B3GALT1: variants seen among roughly 807,000 people sequenced by gnomAD.
B3GALT1 encodes the protein beta-1,3-galactosyltransferase 1, also known as UDP-Gal:betaGlcNAc beta 1,3-galactosyltransferase, polypeptide 1.
Under a neutral mutation model 23.2 loss-of-function variants are expected in B3GALT1, and 10 were observed. That is an observed-to-expected ratio of 0.43 (90% CI 0.27 to 0.73). The LOEUF (loss-of-function observed/expected upper bound fraction) is 0.73, where lower values mean the gene tolerates loss of function less well. Ranked by LOEUF, B3GALT1 falls within the 30% of genes least tolerant of loss-of-function variation. The pLI, the probability that B3GALT1 is intolerant of heterozygous loss-of-function variation, is 0.21. For missense variants in B3GALT1, 299 were observed against 405.4 expected (o/e 0.74, Z 2.25); for synonymous variants, 156 against 141.5 (o/e 1.10, Z -0.73).
At chr2:167,425,451 G>A (rs934968265) in intron 1 of B3GALT1, among the ~76,000 whole-genome samples, 9 of 152,148 alleles carry the variant, frequency 5.9e-5, no homozygotes, top group Non-Finnish European at 1.0e-4. Context: ...TTTTTAAAAA[G>A]CATTTATCTC....
chr2:167,559,882 C>T (rs545081015), intron 2 of B3GALT1, among the ~76,000 whole-genome samples: 121 of 152,312 alleles, frequency 7.9e-4, no homozygotes, highest in African/African-American at 2.8e-3. Flanking sequence ...AAACACTCTG[C>T]AGGATGTTAT....
chr2:167,484,351 A>G (rs1436162978), intron 1 of B3GALT1, among the ~76,000 whole-genome samples: 4 of 152,220 alleles, frequency 2.6e-5, no homozygotes, highest in African/African-American at 7.2e-5. Flanking sequence ...TGAGCCAAAT[A>G]CGAGTGGCTA....
chr2:167,633,652 T>C (rs889188983), intron 2 of B3GALT1, among the ~76,000 whole-genome samples: 1 of 152,062 alleles, frequency 6.6e-6, no homozygotes, highest in African/African-American at 2.4e-5. Flanking sequence ...TAAATATATA[T>C]GCACCCAATA....
At chr2:167,458,453 A>C (rs973135905) in intron 1 of B3GALT1, among the ~76,000 whole-genome samples, 1 of 152,202 alleles carries the variant, frequency 6.6e-6, no homozygotes, top group Admixed American at 6.6e-5. Context: ...CCATGTTTTC[A>C]ATTCTTTGGG....
chr2:167,739,420 T>G (rs986390556), intron 3 of B3GALT1, among the ~76,000 whole-genome samples: 4 of 152,122 alleles, frequency 2.6e-5, no homozygotes, highest in Non-Finnish European at 5.9e-5. Flanking sequence ...TAGGAAATAT[T>G]TGTTCATAGT....
intron 3 of B3GALT1, among the ~76,000 whole-genome samples, chr2:167,692,216 A>G (rs941591666): frequency 6.6e-6 from 1 of 152,126 alleles, no homozygotes; most frequent in Non-Finnish European, 1.5e-5. Flanking sequence ...GAGAGAGTGG[A>G]TATATAACAT....
chr2:167,654,026 A>C (rs1685910398), intron 3 of B3GALT1, among the ~76,000 whole-genome samples: 1 of 152,150 alleles, frequency 6.6e-6, no homozygotes, highest in Non-Finnish European at 1.5e-5. Flanking sequence ...TGGCTACCTG[A>C]ATGGACCATC....
intron 1 of B3GALT1, among the ~76,000 whole-genome samples, chr2:167,318,054 G>A (rs1053054786): frequency 9.9e-5 from 15 of 152,032 alleles, no homozygotes; most frequent in African/African-American, 2.9e-4. Context: ...AGGGCCGGAC[G>A]CGGTGGCTCA....
At chr2:167,510,348 C>T (rs1465455508) in intron 2 of B3GALT1, among the ~76,000 whole-genome samples, 1 of 149,228 alleles carries the variant, frequency 6.7e-6, no homozygotes, top group Non-Finnish European at 1.5e-5. Flanking sequence ...TTTTTAATTA[C>T]ATAATTTATG....
intron 4 of B3GALT1, among the ~76,000 whole-genome samples, chr2:167,846,021 G>GTCTT (rs1689752499): frequency 6.6e-6 from 1 of 151,782 alleles, no homozygotes; most frequent in Non-Finnish European, 1.5e-5. Flanking sequence ...CAAAAACAAG[G>GTCTT]TCTTTGAATT....
At position 167,327,840 on chromosome 2, in the gene B3GALT1, A is replaced by G. The variant is rs552406228; in HGVS notation, c.-511+34506A>G. Among the ~76,000 whole-genome samples the G allele has an allele frequency of 3.9e-5, 6 of 152,194 alleles. No individual in the cohort carries two copies. The South Asian group carries it at 1.2e-3, about 32-fold the overall frequency. ...GGCTTTCAAATTTTCCCCATTCAGA[A>G]TGTTGTTAGCTGTGGGTTTGTCATA... On this transcript the variant is annotated intron_variant, in intron 1 of 4. Coordinates refer to ENST00000392690, the MANE Select transcript of B3GALT1 (RefSeq NM_020981.4).
At chr2:167,471,478 G>T (rs1051559271) in intron 1 of B3GALT1, among the ~76,000 whole-genome samples, 2 of 152,172 alleles carry the variant, frequency 1.3e-5, no homozygotes, top group African/African-American at 4.8e-5. Context: ...TAGAAACTGA[G>T]ATTTTGGCAG....
At chr2:167,855,599 A>G (rs1318363661) in intron 4 of B3GALT1, among the ~76,000 whole-genome samples, 1 of 152,196 alleles carries the variant, frequency 6.6e-6, no homozygotes, top group Non-Finnish European at 1.5e-5. Flanking sequence ...CTTTAAAAAT[A>G]TGTGCTGTAG....
chr2:167,600,055 T>G (rs962598089), intron 2 of B3GALT1, among the ~76,000 whole-genome samples: 1 of 152,252 alleles, frequency 6.6e-6, no homozygotes, highest in Non-Finnish European at 1.5e-5. Context: ...TACTTTTGTG[T>G]TACTTGATGC....
intron 1 of B3GALT1, among the ~76,000 whole-genome samples, chr2:167,427,140 A>G (rs896768665): frequency 6.6e-6 from 1 of 152,224 alleles, no homozygotes; most frequent in African/African-American, 2.4e-5. Context: ...CAAATAGGCA[A>G]AACTAAACTA....
chr2:167,714,696 C>T (rs1169553830), intron 3 of B3GALT1: 22 of 1,613,704 alleles, frequency 1.4e-5, no homozygotes, highest in South Asian at 3.3e-5. Context: ...CCTTTTTTCT[C>T]GTAGGAAATA....
chr2:167,609,818 G>T (rs1009146030), intron 2 of B3GALT1, among the ~76,000 whole-genome samples: 1 of 152,092 alleles, frequency 6.6e-6, no homozygotes, highest in Non-Finnish European at 1.5e-5. Context: ...GGGAATGATT[G>T]TTGCATTACC....
chr2:167,385,263 C>G (rs1029129338), intron 1 of B3GALT1, among the ~76,000 whole-genome samples: 1 of 152,136 alleles, frequency 6.6e-6, no homozygotes, highest in African/African-American at 2.4e-5. Context: ...TTCCAACTCT[C>G]TTTTAACATT....
rs66661618 is a variant in B3GALT1, at chr2:167,435,954, AACACACAC to A, written c.-510-54202_-510-54195del. ...CATGTCTACCCTCCACACACACACA[AACACACAC>A]ACACACACACACACACACACGCACA... is the stretch of plus-strand genomic sequence containing the variant. On this transcript the variant is annotated intron_variant, in intron 1 of 4. Transcript: ENST00000392690. Among the ~76,000 whole-genome samples the A allele has an allele frequency of 8.7e-3, 1,205 of 139,292 alleles. 21 individuals carry two copies. The highest frequency in any genetic ancestry group is 0.03 in the African/African-American group (1,151 of 38,974). 91.4% of individuals were successfully genotyped at this position (139,292 alleles called of 152,430 possible).
Sources: allele counts gnomAD v4.1 joint callset (sites outside exome capture counted in the v4.1 genomes callset), GRCh38; gene constraint gnomAD v4.1.1; transcripts MANE v1.5; gene names NCBI Gene and HGNC (gene_info 2026-07-23, HGNC 2026-07-21).